RBM41: variants seen among roughly 807,000 people sequenced by gnomAD.
RBM41 encodes the protein RNA binding motif protein 41, also known as RNA-binding protein 41.
A neutral mutation model predicts 30.8 loss-of-function variants in RBM41; 14 were observed. That is an observed-to-expected ratio of 0.45 (90% CI 0.30 to 0.71). The LOEUF (loss-of-function observed/expected upper bound fraction) is 0.71, where lower values mean the gene tolerates loss of function less well. Ranked by LOEUF, RBM41 falls within the 30% of genes least tolerant of loss-of-function variation. The probability of loss-of-function intolerance (pLI) is 0.08; values close to 1 mark genes in which losing one functional copy is unlikely to be tolerated. For missense variants in RBM41, 276 were observed against 326.3 expected, an observed-to-expected ratio of 0.85 and a Z score of 1.19; for synonymous variants, 120 against 110.1, an observed-to-expected ratio of 1.09 and a Z score of -0.56.
At chrX:107,083,919 T>C (rs6622148) in intron 6 of RBM41, among the ~76,000 whole-genome samples, 27,697 of 102,756 alleles carry the variant, frequency 0.27, 3,189 homozygotes, top group East Asian at 0.48. Context: ...GAATGTGTGT[T>C]TTTTTTTTTT....
intron 5 of RBM41, among the ~76,000 whole-genome samples, chrX:107,111,313 G>A (rs1924447910): frequency 9.0e-6 from 1 of 111,039 alleles, no homozygotes; most frequent in Non-Finnish European, 1.9e-5. Flanking sequence ...TAATCATCAG[G>A]GAAATTGAAA....
rs762821608 is a variant in RBM41, at chrX:107,116,633, G to C, written c.125+17C>G. On this transcript the variant is annotated intron_variant, in intron 2 of 7. Transcript: ENST00000685964. Reference sequence around the variant, plus strand: ...TAAGAGTCTATGATACTCTCCGTTTGCAAAATCAATACCTACTCCTCAATG... The same window carrying C: ...TAAGAGTCTATGATACTCTCCGTTTCCAAAATCAATACCTACTCCTCAATG... 1.4e-5 allele frequency: 17 copies of C among 1,205,880 alleles called. No individual in the cohort carries two copies. Among genetic ancestry groups the C allele is most frequent in the Non-Finnish European group, 1.8e-5 (16 of 893,881 alleles).
intron 5 of RBM41, among the ~76,000 whole-genome samples, chrX:107,089,717 T>G (rs1438363745): frequency 8.9e-6 from 1 of 112,102 alleles, no homozygotes. Context: ...TATTGTATCA[T>G]GTCATAAGAC....
At chrX:107,117,142 G>T (rs1362509050) in intron 1 of RBM41, among the ~76,000 whole-genome samples, 4 of 111,995 alleles carry the variant, frequency 3.6e-5, no homozygotes, top group Admixed American at 9.5e-5. Flanking sequence ...AGAGAAAATT[G>T]GGAGATAAAG....
At chrX:107,107,621 G>A (rs889526981) in intron 5 of RBM41, among the ~76,000 whole-genome samples, 1 of 111,258 alleles carries the variant, frequency 9.0e-6, no homozygotes, top group Non-Finnish European at 1.9e-5. Flanking sequence ...AATAGAGAAG[G>A]CAATTAGTCT....
chrX:107,118,695 T>G, intron 1 of RBM41, 71 bp downstream of exon 1: 3 of 1,184,300 alleles, frequency 2.5e-6, no homozygotes, highest in African/African-American at 3.5e-5. Flanking sequence ...CAGAAAGCAA[T>G]GGAAGCCATT....
chrX:107,072,157 C>T (rs1936087322), intron 6 of RBM41, among the ~76,000 whole-genome samples: 1 of 110,856 alleles, frequency 9.0e-6, no homozygotes, highest in Non-Finnish European at 1.9e-5. Context: ...AAAGGAAAGA[C>T]ATAAAAGGCA....
chrX:107,075,868 T>A (rs1275042060), intron 6 of RBM41, among the ~76,000 whole-genome samples: 1 of 111,870 alleles, frequency 8.9e-6, no homozygotes, highest in Non-Finnish European at 1.9e-5. Flanking sequence ...AATCCAACAA[T>A]CCCATTTCTG....
chrX:107,076,956 T>C (rs138388643), intron 6 of RBM41, among the ~76,000 whole-genome samples: 1,333 of 112,044 alleles, frequency 0.012, 6 homozygotes, highest in Non-Finnish European at 0.02. Flanking sequence ...TATTAACATA[T>C]TTAGCATTTA....
At chrX:107,070,816 G>GT (rs1261113709) in intron 6 of RBM41, among the ~76,000 whole-genome samples, 56 of 110,562 alleles carry the variant, frequency 5.1e-4, no homozygotes, top group African/African-American at 1.8e-3. Context: ...GAGTCCAGGA[G>GT]TTTGAGATCA....
At chrX:107,101,865 G>A (rs1923494745) in intron 5 of RBM41, among the ~76,000 whole-genome samples, 1 of 111,853 alleles carries the variant, frequency 8.9e-6, no homozygotes, top group Non-Finnish European at 1.9e-5. Context: ...TTAGAATTGG[G>A]TAATGAGTAG....
chrX:107,110,203 G>C (rs925796471), intron 5 of RBM41, among the ~76,000 whole-genome samples: 1 of 110,256 alleles, frequency 9.1e-6, no homozygotes, highest in Non-Finnish European at 1.9e-5. Flanking sequence ...ACATCAAGTA[G>C]TCAAAATGGA....
chrX:107,080,856 T>C (rs1379448170), intron 6 of RBM41, among the ~76,000 whole-genome samples: 1 of 111,965 alleles, frequency 8.9e-6, no homozygotes, highest in Non-Finnish European at 1.9e-5. Flanking sequence ...TTTTTACCCA[T>C]TTTTTAAATT....
intron 4 of RBM41, 139 bp downstream of exon 4, chrX:107,115,211 CTT>C: frequency 3.3e-6 from 2 of 605,140 alleles, no homozygotes; most frequent in East Asian, 6.5e-5. Flanking sequence ...ATTTGTCTCT[CTT>C]ATGGTATTAT....
At chrX:107,097,443 C>T (rs182091982) in intron 5 of RBM41, among the ~76,000 whole-genome samples, 3 of 111,157 alleles carry the variant, frequency 2.7e-5, no homozygotes, top group East Asian at 2.8e-4. Context: ...ATCATGGGGG[C>T]GGTTTCCCCT....
downstream of RBM41, among the ~76,000 whole-genome samples, chrX:107,058,980 A>T (rs1442117321): frequency 9.0e-6 from 1 of 111,244 alleles, no homozygotes; most frequent in Non-Finnish European, 1.9e-5. Flanking sequence ...TATGGTACTC[A>T]TCACTTTATG....
intron 5 of RBM41, among the ~76,000 whole-genome samples, chrX:107,100,835 C>T (rs192810450): frequency 1.8e-5 from 2 of 111,781 alleles, no homozygotes; most frequent in East Asian, 2.8e-4. Flanking sequence ...ATACAGCCCC[C>T]CAAATGGAAA....
At chrX:107,112,724 G>A (rs770081268) in intron 5 of RBM41, 2 of 224,408 alleles carry the variant, frequency 8.9e-6, no homozygotes, top group South Asian at 5.6e-5. Context: ...ATTGATACAC[G>A]CAACAACTCA....
intron 5 of RBM41, among the ~76,000 whole-genome samples, chrX:107,093,188 G>C (rs1255913366): frequency 9.1e-6 from 1 of 110,222 alleles, no homozygotes; most frequent in African/African-American, 3.3e-5. Flanking sequence ...CTATAAAAAA[G>C]AAAAAAAATA....
Sources: gnomAD v4.1 joint callset for allele counts (sites outside exome capture counted in the v4.1 genomes callset) on GRCh38, gnomAD v4.1.1 for gene constraint, MANE v1.5 for transcripts, NCBI Gene and HGNC (gene_info 2026-07-23, HGNC 2026-07-21) for gene names.